The following DNAI4 variants were observed in gnomAD, a reference collection of about 807,000 sequenced individuals.
The protein encoded by DNAI4 is WD repeat domain 78.
DNAI4 carries 85 observed loss-of-function variants against 105.8 expected under a neutral mutation model. The observed-to-expected ratio is 0.80, with a 90% CI of 0.67 to 0.96. DNAI4 has a LOEUF of 0.96. Among genes scored for constraint, DNAI4 ranks in the 40% least tolerant of loss-of-function variants. The pLI, the probability that DNAI4 is intolerant of heterozygous loss-of-function variation, is 0.00. For missense variants in DNAI4, 1,014 were observed against 1,005.6 expected (o/e 1.01, Z -0.11); for synonymous variants, 352 against 331.5 (o/e 1.06, Z -0.67).
At chr1:66,900,723 A>G (rs1048045534) in intron 2 of DNAI4, among the ~76,000 whole-genome samples, 5 of 152,176 alleles carry the variant, frequency 3.3e-5, no homozygotes, top group Non-Finnish European at 1.5e-5. Context: ...TAGAAATACA[A>G]TTCATTTGCA....
At chr1:66,844,705 C>T (rs1646233172) in intron 8 of DNAI4, among the ~76,000 whole-genome samples, 1 of 151,834 alleles carries the variant, frequency 6.6e-6, no homozygotes, top group South Asian at 2.1e-4. Context: ...TTAGAGAGCT[C>T]ATGGAAAGAA....
At position 66,895,578 on chromosome 1, in the gene DNAI4, T is replaced by C. The variant is rs775139557; in HGVS notation, c.346-2165A>G. On this transcript the variant is annotated intron_variant, in intron 2 of 16. Coordinates refer to ENST00000371026, the MANE Select transcript of DNAI4 (RefSeq NM_024763.5). ...TTTCTTTCTTCCTTTCCAATTCTTA[T>C]ACATTCCATTTCTTTTTCTTACCAA... 4.6e-5 allele frequency among the ~76,000 whole-genome samples: 7 copies of C among 152,352 alleles called. 1 individual carries two copies. In the South Asian group the frequency reaches 6.2e-4, roughly 14 times the overall value.
chr1:66,857,773 G>A (rs1472257043), intron 7 of DNAI4, among the ~76,000 whole-genome samples: 1 of 151,932 alleles, frequency 6.6e-6, no homozygotes, highest in Admixed American at 6.5e-5. Context: ...TGTTGGTCAT[G>A]TTGGTCTTGA....
chr1:66,917,253 ATTG>A (rs1344628594), intron 1 of DNAI4, among the ~76,000 whole-genome samples: 1 of 152,210 alleles, frequency 6.6e-6, no homozygotes, highest in African/African-American at 2.4e-5. Flanking sequence ...AGTAATTGTA[ATTG>A]TTGTTAAATT....
Position 66,858,532 on chromosome 1 carries a change from C to CAAAAAAAA in DNAI4, c.1096+3607_1096+3614dup, listed in dbSNP as rs3033717. On this transcript the variant is annotated intron_variant, in intron 7 of 16. Coordinates refer to ENST00000371026, the MANE Select transcript of DNAI4 (RefSeq NM_024763.5). ...TGGGCAACAGAGCAAGACTCCGTCT[C>CAAAAAAAA]AAAAAAAAAAAAAAAAAATGCAAAA... 1.6e-3 allele frequency among the ~76,000 whole-genome samples: 101 copies of CAAAAAAAA among 63,554 alleles called. 6 individuals are homozygous for CAAAAAAAA. Among genetic ancestry groups the CAAAAAAAA allele is most frequent in the East Asian group, 8.3e-3 (14 of 1,686 alleles). The allele number at this position is 63,554 out of a possible 152,430, so 41.7% of individuals were successfully genotyped here. A position where few individuals can be genotyped will look rare whatever the true frequency, so the allele number is the denominator to read the frequency against.
At chr1:66,845,217 TAA>T (rs869249698) in intron 8 of DNAI4, among the ~76,000 whole-genome samples, 20 of 38,102 alleles carry the variant, frequency 5.2e-4, no homozygotes, top group Middle Eastern at 0.015. Context: ...AAAGAAAAAT[TAA>T]AAAAAAAAAA....
At chr1:66,834,994 T>C (rs1469265473) in intron 11 of DNAI4, among the ~76,000 whole-genome samples, 1 of 152,154 alleles carries the variant, frequency 6.6e-6, no homozygotes, top group Non-Finnish European at 1.5e-5. Flanking sequence ...TGGTATCTTG[T>C]CTATTACAAA....
At chr1:66,836,250 GAGAGAGAAAGAAAGAA>G (rs1177814560) in intron 10 of DNAI4, among the ~76,000 whole-genome samples, 1,977 of 131,942 alleles carry the variant, frequency 0.015, 45 homozygotes, top group Non-Finnish European at 0.02. Context: ...AAGAAAGAGA[GAGAGAGAAAGAAAGAA>G]AGAAAGAAAG....
chr1:66,851,648 C>G (rs1405133491), intron 7 of DNAI4, among the ~76,000 whole-genome samples: 2 of 151,724 alleles, frequency 1.3e-5, no homozygotes, highest in East Asian at 3.9e-4. Flanking sequence ...GATCTCCAAA[C>G]ACTTAGAATC....
chr1:66,836,526 G>T (rs1281408715), intron 10 of DNAI4, among the ~76,000 whole-genome samples: 1 of 152,150 alleles, frequency 6.6e-6, no homozygotes, highest in African/African-American at 2.4e-5. Context: ...TCTAAAGAAT[G>T]AACAGAAAAA....
At chr1:66,897,252 C>A (rs1648411674) in intron 2 of DNAI4, among the ~76,000 whole-genome samples, 1 of 152,122 alleles carries the variant, frequency 6.6e-6, no homozygotes, top group Non-Finnish European at 1.5e-5. Flanking sequence ...GGATACCTGG[C>A]AAAATAAATA....
At chr1:66,825,532 A>G (rs1645735140) in intron 15 of DNAI4, among the ~76,000 whole-genome samples, 1 of 152,224 alleles carries the variant, frequency 6.6e-6, no homozygotes, top group Admixed American at 6.5e-5. Flanking sequence ...AACCTCTGGA[A>G]CGTACAAGTA....
intron 7 of DNAI4, among the ~76,000 whole-genome samples, chr1:66,856,421 C>T (rs939023569): frequency 1.3e-5 from 2 of 151,784 alleles, no homozygotes; most frequent in African/African-American, 2.4e-5. Flanking sequence ...TGTAGTGAGC[C>T]GAGATCGTGC....
chr1:66,821,159 C>T (rs868584156), intron 16 of DNAI4, among the ~76,000 whole-genome samples: 10 of 131,290 alleles, frequency 7.6e-5, no homozygotes, highest in South Asian at 4.8e-4. Flanking sequence ...AGTGCAGTGG[C>T]GCCATCTCAG....
chr1:66,852,310 A>G (rs1437189643), intron 7 of DNAI4, among the ~76,000 whole-genome samples: 2 of 152,026 alleles, frequency 1.3e-5, no homozygotes, highest in Non-Finnish European at 2.9e-5. Flanking sequence ...AACTTAAAGA[A>G]GAATTGTCAC....
At position 66,847,688 on chromosome 1, in the gene DNAI4, A is replaced by G; in HGVS notation, c.1097-10T>C. 2 of 1,565,526 alleles carry G rather than the reference A, an allele frequency of 1.3e-6. No individual in the cohort carries two copies. The highest frequency in any genetic ancestry group is 1.7e-6 in the Non-Finnish European group (2 of 1,148,140). ...GAACTAGTTTCACTATCTACAAAAT[A>G]CAAACATGATACAATGATAAAATAT... On this transcript the variant is annotated splice_polypyrimidine_tract_variant and intron_variant, in intron 7 of 16. Coordinates refer to ENST00000371026, the MANE Select transcript of DNAI4 (RefSeq NM_024763.5).
Position 66,814,105 on chromosome 1 carries a change from C to G in DNAI4, c.*25G>C, listed in dbSNP as rs1226299227. 6.4e-7 allele frequency: 1 copy of G among 1,570,246 alleles called. No homozygotes were observed. Among genetic ancestry groups the G allele is most frequent in the African/African-American group, 1.4e-5 (1 of 73,198 alleles). On this transcript the variant is annotated 3_prime_UTR_variant, in exon 17 of 17. Coordinates refer to ENST00000371026, the MANE Select transcript of DNAI4 (RefSeq NM_024763.5). ...GTTAATTCCTTTTTTAAAACAACTA[C>G]AAGAAAAATATTAGGAATGATGAAT...
chr1:66,899,431 A>T (rs1648616933), intron 2 of DNAI4, among the ~76,000 whole-genome samples: 1 of 152,158 alleles, frequency 6.6e-6, no homozygotes, highest in Non-Finnish European at 1.5e-5. Flanking sequence ...TATGATGAAT[A>T]ATTATTTGTC....
intron 6 of DNAI4, among the ~76,000 whole-genome samples, chr1:66,868,751 T>A (rs2100644273): frequency 6.6e-6 from 1 of 152,162 alleles, no homozygotes; most frequent in South Asian, 2.1e-4. Flanking sequence ...CAATGCCCTG[T>A]AATAAATCGC....
Sources: gnomAD v4.1 joint callset for allele counts (sites outside exome capture counted in the v4.1 genomes callset) on GRCh38, gnomAD v4.1.1 for gene constraint, MANE v1.5 for transcripts, NCBI Gene and HGNC (gene_info 2026-07-23, HGNC 2026-07-21) for gene names.